The following SKOR2 variants were observed in gnomAD, a reference collection of about 807,000 sequenced individuals.
SKOR2 encodes the protein LBX1 corepressor 1-like protein.
Under a neutral mutation model 69.1 loss-of-function variants are expected in SKOR2, and 47 were observed. The ratio of observed to expected loss-of-function variants is 0.68; its 90% CI spans 0.54 to 0.87. The LOEUF (loss-of-function observed/expected upper bound fraction) is 0.87. Ranked by LOEUF, SKOR2 falls within the 40% of genes least tolerant of loss-of-function variation. The pLI is 0.00. For synonymous variants in SKOR2, 717 were observed against 672.6 expected (o/e 1.07, Z -1.02); for missense variants, 1,404 against 1,472.2 (o/e 0.95, Z 0.76).
intron 6 of SKOR2, among the ~76,000 whole-genome samples, chr18:47,224,702 C>A (rs2064172855): frequency 6.6e-6 from 1 of 151,838 alleles, no homozygotes; most frequent in South Asian, 2.1e-4. Flanking sequence ...GCAGCCTTGA[C>A]CTCCTGGGTT....
At position 47,247,453 on chromosome 18, in the gene SKOR2, C is replaced by G; in HGVS notation, c.1731G>C (p.Ala577=). The G allele has an allele frequency of 8.1e-7, 1 of 1,240,414 alleles. No homozygotes were observed. Among genetic ancestry groups the G allele is most frequent in the Non-Finnish European group, 1.0e-6 (1 of 993,186 alleles). The allele number at this position is 1,240,414 out of a possible 1,614,324, so 76.8% of individuals were successfully genotyped here. Reference sequence around the variant, plus strand: ...CTGCCCCGGCAGCTGCCACAGAGTCCGCGGGCGGCGTGGAGCCCGCGCTGC... The same window carrying G: ...CTGCCCCGGCAGCTGCCACAGAGTCGGCGGGCGGCGTGGAGCCCGCGCTGC... ...GDCSAGSTPP[A]DSVAAAGAGA... The change falls in exon 2 of 9, where the codon GCG becomes GCC. Residue 577 remains alanine (A), a synonymous_variant. Transcript: ENST00000425639. The surrounding 1 kb of genome is among the most constrained non-coding windows in gnomAD (Gnocchi z 6.6).
In SKOR2 at chr18:47,248,890, T is replaced by C. The variant is rs866820053; in HGVS notation, c.294A>G (p.Gln98=). The change falls in exon 2 of 9, where the codon CAA becomes CAG. Residue 98 remains glutamine (Q), a synonymous_variant. Coordinates refer to ENST00000425639, the MANE Select transcript of SKOR2 (RefSeq NM_001278063.4). This position sits in a 1 kb window ranked among gnomAD's most constrained non-coding sequence, Gnocchi z 6.4. ...CCCCGGCACGCCGCAGGATCTCCAG[T>C]TGCACCGGCGTGCACTGCACACACG... The part of the protein sequence containing the change: ...GITCVQCTPV[Q]LEILRRAGAM... 6.4e-7 allele frequency: 1 copy of C among 1,567,600 alleles called. No homozygotes were observed. Among genetic ancestry groups the C allele is most frequent in the South Asian group, 1.2e-5 (1 of 86,468 alleles).
chr18:47,229,547 C>T (rs540224572), intron 6 of SKOR2, among the ~76,000 whole-genome samples: 15 of 151,710 alleles, frequency 9.9e-5, no homozygotes, highest in Non-Finnish European at 1.5e-4. Flanking sequence ...CCAGCTACTC[C>T]GGAGGCTGAG....
chr18:47,225,122 C>G (rs1386644536), intron 6 of SKOR2, among the ~76,000 whole-genome samples: 1 of 152,178 alleles, frequency 6.6e-6, no homozygotes, highest in Non-Finnish European at 1.5e-5. Flanking sequence ...AAGATGCAGA[C>G]AACCATATTC....
intron 7 of SKOR2, among the ~76,000 whole-genome samples, chr18:47,219,399 T>G (rs1192218346): frequency 3.4e-5 from 1 of 29,846 alleles, no homozygotes; most frequent in Non-Finnish European, 8.4e-5. Flanking sequence ...CATCTTCCTG[T>G]TTTTTTTTTC....
chr18:47,226,920 C>T (rs939156613), intron 6 of SKOR2, among the ~76,000 whole-genome samples: 1 of 152,158 alleles, frequency 6.6e-6, no homozygotes, highest in Non-Finnish European at 1.5e-5. Context: ...GCATCCACAC[C>T]TGGAACCCTC....
chr18:47,212,842 A>G (rs2064131850), intron 7 of SKOR2, among the ~76,000 whole-genome samples: 3 of 152,110 alleles, frequency 2.0e-5, no homozygotes, highest in East Asian at 3.9e-4. Flanking sequence ...GTGTGGTGGC[A>G]CACACCTGCT....
chr18:47,237,041 A>G (rs2064227185), intron 4 of SKOR2, among the ~76,000 whole-genome samples: 1 of 152,224 alleles, frequency 6.6e-6, no homozygotes, highest in South Asian at 2.1e-4. Flanking sequence ...AAAGGGTACA[A>G]ATACATTCCA....
chr18:47,229,469 T>A (rs1198319255), intron 6 of SKOR2, among the ~76,000 whole-genome samples: 1 of 151,918 alleles, frequency 6.6e-6, no homozygotes, highest in East Asian at 1.9e-4. Flanking sequence ...GCCTGACCAA[T>A]ATGGTGAAAC....
chr18:47,235,419 A>C (rs1334717019), intron 4 of SKOR2, among the ~76,000 whole-genome samples: 1 of 152,210 alleles, frequency 6.6e-6, no homozygotes, highest in African/African-American at 2.4e-5. Flanking sequence ...CCACACCAGG[A>C]CTTTCCAAGT....
intron 7 of SKOR2, among the ~76,000 whole-genome samples, chr18:47,213,724 A>G (rs1295487099): frequency 1.3e-5 from 2 of 152,308 alleles, no homozygotes; most frequent in South Asian, 2.1e-4. Flanking sequence ...AATGATTCAT[A>G]TAGTAACATT....
In SKOR2 at chr18:47,249,061, C is replaced by T; in HGVS notation, c.123G>A (p.Val41=). ...GAATGCCGTAGAGGATCACCTGGCC[C>T]ACCTGGTTGGGTTTGAGGTTGGCGT... ...PGHANLKPNQ[V]GQVILYGIPI... is the part of the protein sequence containing the mutation. The change falls in exon 2 of 9, where the codon GTG becomes GTA. Residue 41 remains valine (V), a synonymous_variant. Coordinates refer to ENST00000425639, the MANE Select transcript of SKOR2 (RefSeq NM_001278063.4). 2.0e-6 allele frequency: 3 copies of T among 1,537,178 alleles called. No homozygotes were observed. The highest frequency in any genetic ancestry group is 2.6e-6 in the Non-Finnish European group (3 of 1,147,218).
chr18:47,214,994 T>TA (rs5824652), intron 7 of SKOR2, among the ~76,000 whole-genome samples: 69,486 of 148,986 alleles, frequency 0.47, 15,952 homozygotes, highest in Middle Eastern at 0.56. Context: ...TACTGGAGTT[T>TA]AAAAAAAAAA....
At chr18:47,244,285 G>A (rs1312679030) in intron 4 of SKOR2, among the ~76,000 whole-genome samples, 1 of 152,076 alleles carries the variant, frequency 6.6e-6, no homozygotes, top group Non-Finnish European at 1.5e-5. Context: ...TCAATTAACC[G>A]TGAATAGTCA....
Position 47,248,872 on chromosome 18 carries a change from A to C in SKOR2, c.312T>G (p.Arg104=). ...CTPVQLEILR[R]AGAMPISSRR... is the part of the protein sequence containing the mutation. ...GCGATGAGATGGGCATGGCCCCGGC[A>C]CGCCGCAGGATCTCCAGTTGCACCG... The change falls in exon 2 of 9, where the codon CGT becomes CGG. Residue 104 remains arginine (R), a synonymous_variant. Transcript: ENST00000425639. This position sits in a 1 kb window ranked among gnomAD's most constrained non-coding sequence, Gnocchi z 6.4. 6.4e-7 allele frequency: 1 copy of C among 1,566,014 alleles called. No homozygotes were observed. The highest frequency in any genetic ancestry group is 8.6e-7 in the Non-Finnish European group (1 of 1,163,474).
Position 47,212,147 on chromosome 18 carries a change from G to A in SKOR2, c.2990C>T (p.Pro997Leu), listed in dbSNP as rs2064129794. ...TTTCCTGATCAAACTTGCTGCATAG[G>A]GGATCTGTAAGACAAAAACAAGCAA... ...EEMVQQLQII[P>L]YAASLIRKEK... is the part of the protein sequence containing the mutation. The change falls in exon 8 of 9, where the codon CCC becomes CTC. Residue 997 changes from proline to leucine, a missense_variant. Transcript: ENST00000425639. 1 of 1,231,740 alleles carries A rather than the reference G, an allele frequency of 8.1e-7. No individual in the cohort carries two copies. The highest frequency in any genetic ancestry group is 1.6e-5 in the African/African-American group (1 of 64,352). 76.3% of individuals were successfully genotyped at this position (1,231,740 alleles called of 1,614,324 possible).
At chr18:47,238,408 C>T (rs1422792099) in intron 4 of SKOR2, among the ~76,000 whole-genome samples, 2 of 140,658 alleles carry the variant, frequency 1.4e-5, no homozygotes, top group East Asian at 2.1e-4. Context: ...CTGTTATCTT[C>T]GTCTCCTGGA....
chr18:47,210,440 A>G (rs1468835693), intron 8 of SKOR2, among the ~76,000 whole-genome samples: 1 of 152,184 alleles, frequency 6.6e-6, no homozygotes, highest in African/African-American at 2.4e-5. Context: ...TAAACTTTGA[A>G]TAAGAAGGTT....
rs73954299 is a variant in SKOR2, at chr18:47,241,152, C to G, written c.2752+3756G>C. ...TCGTATTGATTTCTATTTCTGAATT[C>G]CCAGAGTCTAGGAAAGTACTTATTA... On this transcript the variant is annotated intron_variant, in intron 4 of 8. Coordinates refer to ENST00000425639, the MANE Select transcript of SKOR2 (RefSeq NM_001278063.4). Among the ~76,000 whole-genome samples the G allele has an allele frequency of 2.1e-3, 316 of 152,180 alleles. 1 individual carries two copies. The highest frequency in any genetic ancestry group is 7.3e-3 in the African/African-American group (301 of 41,514).
Sources: gnomAD v4.1 joint callset for allele counts (sites outside exome capture counted in the v4.1 genomes callset) on GRCh38, gnomAD v4.1.1 for gene constraint, Gnocchi (gnomAD v3.1) non-coding constraint, MANE v1.5 for transcripts, NCBI Gene and HGNC (gene_info 2026-07-23, HGNC 2026-07-21) for gene names.